MICAL2: variants seen among roughly 807,000 people sequenced by gnomAD.
MICAL2 encodes microtubule associated monooxygenase, calponin and LIM domain containing 2.
MICAL2 carries 77 observed loss-of-function variants against 127.3 expected under a neutral mutation model. That is an observed-to-expected ratio of 0.60 (90% CI 0.50 to 0.73). MICAL2 has a LOEUF of 0.73. Among genes scored for constraint, MICAL2 ranks in the 30% least tolerant of loss-of-function variants. The pLI is 0.00. For synonymous variants in MICAL2, 570 were observed against 551.1 expected (o/e 1.03, Z -0.48); for missense variants, 1,351 against 1,434.4 (o/e 0.94, Z 0.94).
At chr11:12,152,606 G>T (rs1853724065) in intron 2 of MICAL2, among the ~76,000 whole-genome samples, 1 of 152,124 alleles carries the variant, frequency 6.6e-6, no homozygotes, top group African/African-American at 2.4e-5. Flanking sequence ...CAGAGTGGTG[G>T]GGGAGGAGTG....
intron 32 of MICAL2, among the ~76,000 whole-genome samples, chr11:12,343,297 A>C (rs1051517191): frequency 6.6e-6 from 1 of 151,184 alleles, no homozygotes; most frequent in Admixed American, 6.6e-5. Flanking sequence ...AATCTCAGCT[A>C]CTCAGGAGGC....
intron 3 of MICAL2, among the ~76,000 whole-genome samples, chr11:12,180,921 CTTTTTTTTTTTTT>C (rs56946936): frequency 1.2e-5 from 1 of 82,474 alleles, no homozygotes; most frequent in Non-Finnish European, 2.5e-5. Context: ...TATTTTCCTT[CTTTTTTTTTTTTT>C]TTTTTTTTTT....
At chr11:12,237,889 G>C (rs1859308065) in intron 16 of MICAL2, among the ~76,000 whole-genome samples, 1 of 152,198 alleles carries the variant, frequency 6.6e-6, no homozygotes, top group Admixed American at 6.5e-5. Context: ...GTGCTGGCCT[G>C]TATGGCCCAC....
intron 1 of MICAL2, among the ~76,000 whole-genome samples, chr11:12,280,547 T>A (rs1863760895): frequency 6.6e-6 from 1 of 152,212 alleles, no homozygotes. Flanking sequence ...GCCTCCCTCT[T>A]TAGCTTGTAG....
intron 1 of MICAL2, among the ~76,000 whole-genome samples, chr11:12,120,033 A>T (rs1403076879): frequency 6.6e-6 from 1 of 152,180 alleles, no homozygotes; most frequent in African/African-American, 2.4e-5. Flanking sequence ...GTACCGAAGG[A>T]CAGAGCCTCA....
Position 12,216,311 on chromosome 11 carries a change from A to G in MICAL2, c.940A>G (p.Ile314Val), listed in dbSNP as rs570846447. The part of the protein sequence containing the change: ...KKQSLLDKGV[I>V]INDYIDTEML... ...GCAGAGCCTGCTCGACAAAGGTGTC[A>G]TCATTAACGTACGTACCTCTTGGCT... is the stretch of plus-strand genomic sequence containing the variant. The change falls in exon 8 of 28, where the codon ATC becomes GTC. Residue 314 changes from isoleucine to valine, a missense_variant. Transcript: ENST00000683283. 90 of 1,613,528 alleles carry G rather than the reference A, an allele frequency of 5.6e-5. No homozygotes were observed. The highest frequency in any genetic ancestry group is 2.2e-5 in the East Asian group (1 of 44,886).
chr11:12,235,911 G>A (rs2246778), intron 15 of MICAL2, among the ~76,000 whole-genome samples: 47,938 of 152,138 alleles, frequency 0.32, 8,373 homozygotes, highest in East Asian at 0.66. Flanking sequence ...ATCTTTTGGG[G>A]TGTAATTCCA....
chr11:12,341,474 A>G (rs1938863682), intron 32 of MICAL2, among the ~76,000 whole-genome samples: 2 of 152,186 alleles, frequency 1.3e-5, no homozygotes, highest in African/African-American at 2.4e-5. Flanking sequence ...AAACAAAAAA[A>G]AAGACATAAG....
chr11:12,126,560 A>G (rs1850936006), intron 1 of MICAL2, among the ~76,000 whole-genome samples: 1 of 152,106 alleles, frequency 6.6e-6, no homozygotes, highest in Non-Finnish European at 1.5e-5. Flanking sequence ...GAGGTGACTT[A>G]TTTACCCTGG....
chr11:12,127,785 G>C (rs555959645), intron 1 of MICAL2, among the ~76,000 whole-genome samples: 2 of 152,140 alleles, frequency 1.3e-5, no homozygotes, highest in Non-Finnish European at 2.9e-5. Flanking sequence ...CTTTGTAGGG[G>C]ATAGGATATT....
At chr11:12,299,619 G>C (rs146747251) in intron 29 of MICAL2, among the ~76,000 whole-genome samples, 2 of 152,148 alleles carry the variant, frequency 1.3e-5, no homozygotes, top group African/African-American at 4.8e-5. Flanking sequence ...TCATTCTTGT[G>C]TATAATTAAA....
At chr11:12,198,076 C>T (rs924478654) in intron 3 of MICAL2, among the ~76,000 whole-genome samples, 2 of 152,094 alleles carry the variant, frequency 1.3e-5, no homozygotes, top group African/African-American at 4.8e-5. Flanking sequence ...TTGAAGTTCC[C>T]CTGGGGAGCC....
At chr11:12,254,696 T>C (rs1430601332) in intron 22 of MICAL2, 1 of 152,228 alleles carries the variant, frequency 6.6e-6, no homozygotes, top group Non-Finnish European at 1.5e-5. Context: ...ATTTATTTGC[T>C]AAGCGGCCTC....
intron 29 of MICAL2, among the ~76,000 whole-genome samples, chr11:12,309,900 G>A (rs1436462693): frequency 6.6e-6 from 1 of 152,080 alleles, no homozygotes; most frequent in Non-Finnish European, 1.5e-5. Flanking sequence ...ATCTCATTGT[G>A]GTTCGGATTT....
chr11:12,147,417 A>G (rs989880444), intron 2 of MICAL2, among the ~76,000 whole-genome samples: 4 of 152,242 alleles, frequency 2.6e-5, no homozygotes, highest in African/African-American at 9.6e-5. Flanking sequence ...CAGCTCATCA[A>G]TGAGTGAATT....
intron 29 of MICAL2, among the ~76,000 whole-genome samples, chr11:12,298,908 A>G (rs1383830598): frequency 2.6e-5 from 4 of 152,094 alleles, no homozygotes; most frequent in Non-Finnish European, 5.9e-5. Flanking sequence ...CTTTTTGATT[A>G]TGTTTGATAA....
intron 3 of MICAL2, among the ~76,000 whole-genome samples, chr11:12,165,208 T>C (rs1273914905): frequency 2.6e-5 from 4 of 151,412 alleles, no homozygotes; most frequent in Non-Finnish European, 5.9e-5. Context: ...GGGTGTCATC[T>C]ACAGTGAGTG....
intron 15 of MICAL2, among the ~76,000 whole-genome samples, chr11:12,230,992 G>C (rs1858179738): frequency 6.6e-6 from 1 of 152,154 alleles, no homozygotes; most frequent in East Asian, 1.9e-4. Context: ...GGATCTAAAA[G>C]CCTCATGGCA....
chr11:12,306,365 A>G (rs1479074407), intron 29 of MICAL2, among the ~76,000 whole-genome samples: 1 of 152,118 alleles, frequency 6.6e-6, no homozygotes, highest in Admixed American at 6.5e-5. Context: ...GTGGGAATAT[A>G]CAGTGATTTA....
Sources: allele counts gnomAD v4.1 joint callset (sites outside exome capture counted in the v4.1 genomes callset), GRCh38; gene constraint gnomAD v4.1.1; transcripts MANE v1.5; gene names NCBI Gene and HGNC (gene_info 2026-07-23, HGNC 2026-07-21).